The following CCDC117 variants were observed in gnomAD, a reference collection of about 807,000 sequenced individuals.
The protein encoded by CCDC117 is coiled-coil domain-containing protein 117.
A neutral mutation model predicts 23.5 loss-of-function variants in CCDC117; 1 was observed. That is an observed-to-expected ratio of 0.04 (90% CI 0.02 to 0.20). The LOEUF (loss-of-function observed/expected upper bound fraction) is 0.20, where lower values mean the gene tolerates loss of function less well. CCDC117 is among the 10% of genes least tolerant of loss of function. The pLI, the probability that CCDC117 is intolerant of heterozygous loss-of-function variation, is 1.00. For synonymous variants in CCDC117, 132 were observed against 124.8 expected, an observed-to-expected ratio of 1.06 and a Z score of -0.39; for missense variants, 383 against 348.2, an observed-to-expected ratio of 1.10 and a Z score of -0.80.
Position 28,781,126 on chromosome 22 carries a change from C to A in CCDC117, c.418C>A (p.Pro140Thr), listed in dbSNP as rs1238585823. The A allele has an allele frequency of 1.2e-6, 2 of 1,613,788 alleles. No individual in the cohort carries two copies. Among genetic ancestry groups the A allele is most frequent in the Non-Finnish European group, 1.7e-6 (2 of 1,179,932 alleles). Residue 140 changes from proline to threonine, a missense_variant, in exon 3 of 5, where the codon CCA (proline) becomes ACA (threonine). By Grantham distance (38) the Pro-to-Thr change is conservative (BLOSUM62 -1). Coordinates refer to ENST00000249064, the MANE Select transcript of CCDC117 (RefSeq NM_173510.4). The stretch of plus-strand genomic sequence containing the variant: ...AGAAATGGATCAGACAACTGGAGAA[C>A]CACAGTGTGAAGTTGCCCGAAGGAA... ...CEEMDQTTGE[P>T]QCEVARRKLQ...
intron 2 of CCDC117, among the ~76,000 whole-genome samples, chr22:28,777,514 T>C (rs1391835683): frequency 6.6e-6 from 1 of 151,604 alleles, no homozygotes; most frequent in African/African-American, 2.4e-5. Flanking sequence ...TCTTTTTTTT[T>C]TTCTTTTTTT....
intron 1 of CCDC117, 25 bp from the exon 2 acceptor site, chr22:28,773,700 G>A: frequency 6.3e-7 from 1 of 1,598,098 alleles, no homozygotes; most frequent in East Asian, 2.2e-5. Context: ...TTTCTTAATT[G>A]ACTGATTTTT....
At chr22:28,785,024 C>T (rs1004908783) in intron 4 of CCDC117, among the ~76,000 whole-genome samples, 1 of 152,176 alleles carries the variant, frequency 6.6e-6, no homozygotes, top group African/African-American at 2.4e-5. Context: ...CCCTCTTCGG[C>T]CTCCCAAAGT....
intron 2 of CCDC117, among the ~76,000 whole-genome samples, chr22:28,778,698 T>C (rs1435647330): frequency 6.6e-6 from 1 of 152,176 alleles, no homozygotes; most frequent in East Asian, 1.9e-4. Context: ...AAGTTTAAAG[T>C]ATAGAAACTA....
At chr22:28,778,314 TA>T (rs199533781) in intron 2 of CCDC117, among the ~76,000 whole-genome samples, 6,831 of 152,122 alleles carry the variant, frequency 0.045, 204 homozygotes, top group Non-Finnish European at 0.065. Flanking sequence ...TCCCTTAATT[TA>T]AAAATCACTA....
At position 28,772,752 on chromosome 22, in the gene CCDC117, G is replaced by A; in HGVS notation, c.-98G>A. On this transcript the variant is annotated 5_prime_UTR_variant, in exon 1 of 5. Coordinates refer to ENST00000249064, the MANE Select transcript of CCDC117 (RefSeq NM_173510.4). ...TGACGTGGGGTCGAGAGCGGGATCC[G>A]AGGCTGGCGGGTTTTGGCAGTAGCT... is the stretch of plus-strand genomic sequence containing the variant. The A allele has an allele frequency of 1.0e-6, 1 of 993,632 alleles. No homozygotes were observed. Among genetic ancestry groups the A allele is most frequent in the Non-Finnish European group, 1.3e-6 (1 of 778,984 alleles). 61.6% of individuals were successfully genotyped at this position (993,632 alleles called of 1,614,324 possible). A position where few individuals can be genotyped will look rare whatever the true frequency, so the allele number is the denominator to read the frequency against.
intron 1 of CCDC117, chr22:28,773,430 A>G (rs1183955594): frequency 5.2e-6 from 2 of 381,836 alleles, no homozygotes; most frequent in Non-Finnish European, 9.7e-6. Flanking sequence ...TAGTGAGATT[A>G]TTTAAATAAA....
Position 28,781,101 on chromosome 22 carries a change from A to G in CCDC117, c.393A>G (p.Glu131=). 1 of 1,614,028 alleles carries G rather than the reference A, an allele frequency of 6.2e-7. No individual in the cohort carries two copies. Residue 131 remains glutamate (E), a synonymous_variant, in exon 3 of 5, where the codon GAA becomes GAG. Coordinates refer to ENST00000249064, the MANE Select transcript of CCDC117 (RefSeq NM_173510.4). Reference sequence around the variant, plus strand: ...CTGGGATATTAGATGTTATTTGTGAAGAAATGGATCAGACAACTGGAGAAC... The same window carrying G: ...CTGGGATATTAGATGTTATTTGTGAGGAAATGGATCAGACAACTGGAGAAC... ...SIPGILDVIC[E]EMDQTTGEPQ... is the part of the protein sequence containing the mutation.
chr22:28,777,268 G>A (rs977514034), intron 2 of CCDC117, among the ~76,000 whole-genome samples: 7 of 151,542 alleles, frequency 4.6e-5, no homozygotes, highest in South Asian at 2.1e-4. Flanking sequence ...CTTGTGATTC[G>A]CTCGCCCGCT....
chr22:28,776,994 A>G (rs1490590944), intron 2 of CCDC117, among the ~76,000 whole-genome samples: 1 of 151,540 alleles, frequency 6.6e-6, no homozygotes, highest in Non-Finnish European at 1.5e-5. Flanking sequence ...TGCTAGGATT[A>G]CAGGCGTGAG....
intron 2 of CCDC117, among the ~76,000 whole-genome samples, chr22:28,776,504 C>A (rs1189456366): frequency 6.6e-6 from 1 of 151,912 alleles, no homozygotes. Flanking sequence ...CTCACTGTCA[C>A]CTCTGTCTCA....
chr22:28,780,363 A>G (rs919695636), intron 2 of CCDC117, among the ~76,000 whole-genome samples: 1 of 152,178 alleles, frequency 6.6e-6, no homozygotes, highest in African/African-American at 2.4e-5. Context: ...CTCATGAGAC[A>G]TGTTTTTGCC....
At position 28,781,343 on chromosome 22, in the gene CCDC117, T is replaced by G. The variant is rs1442083060; in HGVS notation, c.464+171T>G. ...TTTTGTTTTTTTGTTTTGTTTTTTT[T>G]TTTTTTTTTTTTTTTTTTTTTTTTT... On this transcript the variant is annotated intron_variant, in intron 3 of 4. Transcript: ENST00000249064. Among the ~76,000 whole-genome samples, 13 of 6,452 alleles carry G rather than the reference T, an allele frequency of 2.0e-3. 2 individuals carry two copies. The South Asian group carries it at 0.041, about 20-fold the overall frequency. 4.2% of individuals were successfully genotyped at this position (6,452 alleles called of 152,430 possible).
rs185364135 is a variant in CCDC117, at chr22:28,779,289, C to G, written c.240-1659C>G. ...CAATCTTGGCTCACTGCAACCTCCC[C>G]CCTCCTGGGTTCAAGCGATTCTCCT... is the stretch of plus-strand genomic sequence containing the variant. On this transcript the variant is annotated intron_variant, in intron 2 of 4. Coordinates refer to ENST00000249064, the MANE Select transcript of CCDC117 (RefSeq NM_173510.4). Among the ~76,000 whole-genome samples, 46 of 152,190 alleles carry G rather than the reference C, an allele frequency of 3.0e-4. 1 individual carries two copies. In the East Asian group the frequency reaches 7.7e-3, roughly 26 times the overall value.
intron 2 of CCDC117, among the ~76,000 whole-genome samples, chr22:28,780,113 T>C (rs982467073): frequency 6.6e-6 from 1 of 152,204 alleles, no homozygotes; most frequent in Non-Finnish European, 1.5e-5. Flanking sequence ...GGTGACACTT[T>C]GGAGAAGCCG....
At chr22:28,774,594 A>T (rs559850895) in intron 2 of CCDC117, among the ~76,000 whole-genome samples, 8 of 152,076 alleles carry the variant, frequency 5.3e-5, no homozygotes, top group African/African-American at 1.7e-4. Context: ...CAGTCTGGTC[A>T]TGAACTTCTG....
chr22:28,775,332 A>G (rs763516387), intron 2 of CCDC117, among the ~76,000 whole-genome samples: 2 of 152,088 alleles, frequency 1.3e-5, no homozygotes, highest in African/African-American at 4.8e-5. Flanking sequence ...CCAATTTCCT[A>G]TTGATGCATT....
chr22:28,776,740 A>G (rs995836802), intron 2 of CCDC117, among the ~76,000 whole-genome samples: 1 of 151,648 alleles, frequency 6.6e-6, no homozygotes, highest in Admixed American at 6.6e-5. Flanking sequence ...ATGTGCCTCC[A>G]TGCTTGGCTA....
rs2031601130 is a variant in CCDC117, at chr22:28,789,087, C to G, written c.*2761C>G. 6.7e-6 allele frequency: 1 copy of G among 148,404 alleles called. No individual in the cohort carries two copies. The highest frequency in any genetic ancestry group is 2.3e-4 in the South Asian group (1 of 4,426). 9.2% of individuals were successfully genotyped at this position (148,404 alleles called of 1,614,324 possible). Reference sequence around the variant, plus strand: ...ACACATGTAAAATTTAGGAAAATAACTAAAGTAGGGGCTGGAACCATAAGA... The same window carrying G: ...ACACATGTAAAATTTAGGAAAATAAGTAAAGTAGGGGCTGGAACCATAAGA... On this transcript the variant is annotated 3_prime_UTR_variant, in exon 5 of 5. Coordinates refer to ENST00000249064, the MANE Select transcript of CCDC117 (RefSeq NM_173510.4).
Sources: allele counts gnomAD v4.1 joint callset (sites outside exome capture counted in the v4.1 genomes callset), GRCh38; gene constraint gnomAD v4.1.1; transcripts MANE v1.5; gene names NCBI Gene and HGNC (gene_info 2026-07-23, HGNC 2026-07-21).